The following CSMD3 variants were observed in gnomAD, a reference collection of about 807,000 sequenced individuals.
The protein encoded by CSMD3 is CUB and Sushi multiple domains 3, also known as CUB and sushi domain-containing protein 3.
Under a neutral mutation model 435.2 loss-of-function variants are expected in CSMD3, and 177 were observed. The observed-to-expected ratio is 0.41, with a 90% CI of 0.36 to 0.46. The LOEUF is 0.46. Among genes scored for constraint, CSMD3 ranks in the 20% least tolerant of loss-of-function variants. The pLI is 0.34. For missense variants in CSMD3, 4,265 were observed against 4,504.6 expected (o/e 0.95, Z 1.52); for synonymous variants, 1,656 against 1,520.5 (o/e 1.09, Z -2.07).
chr8:112,319,085 A>AG, intron 46 of CSMD3, 135 bp from the exon 47 acceptor site: 1 of 679,574 alleles, frequency 1.5e-6, no homozygotes, highest in Non-Finnish European at 2.6e-6. Context: ...AGGTATAAGT[A>AG]GGAGTTATAT....
chr8:112,387,571 G>A (rs576866827), intron 36 of CSMD3, among the ~76,000 whole-genome samples: 1 of 151,116 alleles, frequency 6.6e-6, no homozygotes, highest in South Asian at 2.1e-4. Context: ...ATTAGAAAAA[G>A]GTCCTTGATA....
intron 22 of CSMD3, among the ~76,000 whole-genome samples, chr8:112,608,289 A>C (rs1348862316): frequency 2.0e-5 from 3 of 152,160 alleles, no homozygotes; most frequent in Non-Finnish European, 4.4e-5. Flanking sequence ...ACATTAATAA[A>C]AAAAATTGAA....
At chr8:112,451,012 G>T (rs1257801206) in intron 32 of CSMD3, among the ~76,000 whole-genome samples, 1 of 152,000 alleles carries the variant, frequency 6.6e-6, no homozygotes. Flanking sequence ...TAGCATTATA[G>T]AAATGGTTAA....
chr8:112,764,649 T>C (rs1464679864), intron 13 of CSMD3, among the ~76,000 whole-genome samples: 1 of 151,624 alleles, frequency 6.6e-6, no homozygotes, highest in African/African-American at 2.4e-5. Context: ...TTTATTATAT[T>C]GTTAAAAATT....
intron 27 of CSMD3, among the ~76,000 whole-genome samples, chr8:112,517,791 G>A (rs1586577755): frequency 6.6e-6 from 1 of 152,112 alleles, no homozygotes; most frequent in African/African-American, 2.4e-5. Context: ...TGGAGAAAAC[G>A]GGATCATTCA....
chr8:112,568,856 C>T (rs140726543), intron 24 of CSMD3, among the ~76,000 whole-genome samples: 1,544 of 152,158 alleles, frequency 0.01, 20 homozygotes, highest in African/African-American at 0.034. Flanking sequence ...TTTTAATATT[C>T]GTGACAGCTG....
intron 12 of CSMD3, among the ~76,000 whole-genome samples, chr8:112,826,006 T>C (rs973785039): frequency 2.0e-5 from 3 of 152,098 alleles, no homozygotes; most frequent in Admixed American, 2.0e-4. Flanking sequence ...CCCAGGGAGA[T>C]CAGAGTTCTG....
At chr8:112,512,421 T>C (rs1363214953) in intron 28 of CSMD3, among the ~76,000 whole-genome samples, 1 of 152,192 alleles carries the variant, frequency 6.6e-6, no homozygotes, top group Non-Finnish European at 1.5e-5. Context: ...GAACAAAAGC[T>C]CATTTGTACA....
chr8:112,783,878 C>T (rs2078467093), intron 13 of CSMD3, among the ~76,000 whole-genome samples: 2 of 150,848 alleles, frequency 1.3e-5, no homozygotes, highest in Non-Finnish European at 3.0e-5. Flanking sequence ...ATAAAGGGGT[C>T]AATCCAGCAA....
rs374931419 is a variant in CSMD3, at chr8:112,409,038, C to G, written c.5396-6G>C. 2 of 1,613,262 alleles carry G rather than the reference C, an allele frequency of 1.2e-6. No individual in the cohort carries two copies. Among genetic ancestry groups the G allele is most frequent in the Non-Finnish European group, 1.7e-6 (2 of 1,179,536 alleles). On this transcript the variant is annotated splice_polypyrimidine_tract_variant and splice_region_variant and intron_variant, in intron 32 of 70. Transcript: ENST00000297405. ...TACAAACTGGCCAAACACCACTGAT[C>G]AACAGGAACCCGGAGAAGCAAACAA...
At chr8:113,208,793 A>G (rs2092800109) in intron 3 of CSMD3, among the ~76,000 whole-genome samples, 1 of 152,042 alleles carries the variant, frequency 6.6e-6, no homozygotes, top group Non-Finnish European at 1.5e-5. Flanking sequence ...GACATATATG[A>G]AGTATGTAAG....
intron 27 of CSMD3, among the ~76,000 whole-genome samples, chr8:112,548,872 T>A (rs921196192): frequency 6.6e-6 from 1 of 152,114 alleles, no homozygotes; most frequent in Admixed American, 6.6e-5. Context: ...AAAAAACTTA[T>A]GAAGGCAGAG....
chr8:113,166,622 T>C (rs776600958), intron 4 of CSMD3, among the ~76,000 whole-genome samples: 14 of 152,170 alleles, frequency 9.2e-5, no homozygotes, highest in Non-Finnish European at 1.3e-4. Context: ...TATGTTAACT[T>C]TGGAAAATAT....
chr8:113,234,466 C>T (rs557684146), intron 3 of CSMD3, among the ~76,000 whole-genome samples: 1 of 152,140 alleles, frequency 6.6e-6, no homozygotes, highest in Admixed American at 6.5e-5. Context: ...AGCTAAGTGC[C>T]AGTCTCTATA....
At chr8:112,543,532 A>G (rs1170225044) in intron 27 of CSMD3, among the ~76,000 whole-genome samples, 1 of 152,142 alleles carries the variant, frequency 6.6e-6, no homozygotes, top group African/African-American at 2.4e-5. Flanking sequence ...AATCTCAATA[A>G]TATATTACTT....
At chr8:112,744,822 G>C (rs756696628) in intron 13 of CSMD3, among the ~76,000 whole-genome samples, 4 of 151,980 alleles carry the variant, frequency 2.6e-5, no homozygotes, top group Non-Finnish European at 5.9e-5. Context: ...GACAGCAATG[G>C]GCAAGATGTG....
At chr8:112,521,728 A>C (rs1355679592) in intron 27 of CSMD3, among the ~76,000 whole-genome samples, 1 of 151,926 alleles carries the variant, frequency 6.6e-6, no homozygotes, top group Non-Finnish European at 1.5e-5. Context: ...GTGCCTATTT[A>C]ACTTCTGTAC....
At chr8:112,396,341 T>C (rs921394032) in intron 35 of CSMD3, among the ~76,000 whole-genome samples, 2 of 152,262 alleles carry the variant, frequency 1.3e-5, no homozygotes, top group African/African-American at 4.8e-5. Flanking sequence ...ACCCTGTAAA[T>C]AGGCTGTCAA....
Position 113,328,669 on chromosome 8 carries a change from G to A in CSMD3, c.179-13876C>T, listed in dbSNP as rs79780982. Reference sequence around the variant, plus strand: ...GGGTGAGAATATGATTTCCACTGATGGTACATTCTAGTATTTAAAATACCA... The same window carrying A: ...GGGTGAGAATATGATTTCCACTGATAGTACATTCTAGTATTTAAAATACCA... On this transcript the variant is annotated intron_variant, in intron 1 of 70. Transcript: ENST00000297405. Among the ~76,000 whole-genome samples the A allele has an allele frequency of 8.2e-4, 122 of 148,744 alleles. 2 individuals carry two copies. The East Asian group carries it at 0.017, about 20-fold the overall frequency.
Sources: allele counts gnomAD v4.1 joint callset (sites outside exome capture counted in the v4.1 genomes callset), GRCh38; gene constraint gnomAD v4.1.1; transcripts MANE v1.5; gene names NCBI Gene and HGNC (gene_info 2026-07-23, HGNC 2026-07-21).